SMYD3: variants seen among roughly 807,000 people sequenced by gnomAD.
SMYD3 encodes histone-lysine N-methyltransferase SMYD3.
In SMYD3, 36 loss-of-function variants were observed where a neutral mutation model predicts 57.7. The ratio of observed to expected loss-of-function variants is 0.62; its 90% CI spans 0.48 to 0.82. The LOEUF is 0.82. Ranked by LOEUF, SMYD3 falls within the 40% of genes least tolerant of loss-of-function variation. The pLI is 0.00. For missense variants in SMYD3, 515 were observed against 538.8 expected (o/e 0.96, Z 0.44); for synonymous variants, 211 against 195.0 (o/e 1.08, Z -0.68).
chr1:246,094,800 A>G (rs1212450068), intron 5 of SMYD3, among the ~76,000 whole-genome samples: 1 of 152,152 alleles, frequency 6.6e-6, no homozygotes, highest in Non-Finnish European at 1.5e-5. Context: ...CAGTATCATA[A>G]CAAACCTAAC....
At chr1:245,849,721 C>T (rs1275023010) in intron 10 of SMYD3, among the ~76,000 whole-genome samples, 2 of 152,090 alleles carry the variant, frequency 1.3e-5, no homozygotes, top group Admixed American at 1.3e-4. Flanking sequence ...GACGTGATCA[C>T]AGCTCACTGC....
intron 10 of SMYD3, among the ~76,000 whole-genome samples, chr1:245,818,076 A>G (rs960779499): frequency 2.0e-5 from 3 of 151,790 alleles, no homozygotes; most frequent in African/African-American, 7.2e-5. Flanking sequence ...GAGAAGAGCA[A>G]CTCCAAGACA....
chr1:246,158,901 G>A (rs1279289049), intron 5 of SMYD3, among the ~76,000 whole-genome samples: 1 of 152,110 alleles, frequency 6.6e-6, no homozygotes, highest in African/African-American at 2.4e-5. Context: ...AGATACACCA[G>A]GTCCTTATTC....
At chr1:246,368,087 A>G (rs1169801857) in intron 1 of SMYD3, among the ~76,000 whole-genome samples, 2 of 152,226 alleles carry the variant, frequency 1.3e-5, no homozygotes, top group African/African-American at 4.8e-5. Flanking sequence ...CCAACAGCCT[A>G]AGCTACTGAA....
chr1:245,767,085 A>T (rs368082049), intron 10 of SMYD3, among the ~76,000 whole-genome samples: 2 of 152,152 alleles, frequency 1.3e-5, no homozygotes, highest in South Asian at 2.1e-4. Flanking sequence ...CTGCTGGGAG[A>T]CATTCTTCAA....
At chr1:246,327,767 A>G (rs984569308) in intron 4 of SMYD3, among the ~76,000 whole-genome samples, 3 of 152,222 alleles carry the variant, frequency 2.0e-5, no homozygotes, top group Non-Finnish European at 4.4e-5. Flanking sequence ...TCTAAGGCAA[A>G]AAGACAGAAA....
At chr1:246,288,855 G>A (rs2064628323) in intron 5 of SMYD3, among the ~76,000 whole-genome samples, 2 of 152,188 alleles carry the variant, frequency 1.3e-5, no homozygotes, top group African/African-American at 4.8e-5. Context: ...ACTCACGCCT[G>A]TAATCCCAGC....
At chr1:246,024,272 A>G (rs546404756) in intron 5 of SMYD3, among the ~76,000 whole-genome samples, 2 of 152,382 alleles carry the variant, frequency 1.3e-5, no homozygotes, top group African/African-American at 4.8e-5. Flanking sequence ...TGCCTGAACA[A>G]CAAAAGGTTA....
intron 5 of SMYD3, among the ~76,000 whole-genome samples, chr1:246,164,729 C>G (rs1048087590): frequency 6.6e-6 from 1 of 152,244 alleles, no homozygotes; most frequent in Non-Finnish European, 1.5e-5. Context: ...GATAACGTCT[C>G]TGCTCTCATG....
intron 1 of SMYD3, among the ~76,000 whole-genome samples, chr1:246,406,800 TC>T (rs2066872942): frequency 6.6e-6 from 1 of 152,194 alleles, no homozygotes; most frequent in Admixed American, 6.5e-5. Context: ...GAATCTCTGC[TC>T]CATCACAGCC....
intron 5 of SMYD3, among the ~76,000 whole-genome samples, chr1:246,277,917 A>T (rs541198257): frequency 6.6e-6 from 1 of 152,342 alleles, no homozygotes; most frequent in East Asian, 1.9e-4. Flanking sequence ...GGGGTCACGG[A>T]AAGTTCTGTA....
At chr1:245,806,293 C>T (rs2048139988) in intron 10 of SMYD3, among the ~76,000 whole-genome samples, 1 of 152,034 alleles carries the variant, frequency 6.6e-6, no homozygotes, top group Admixed American at 6.6e-5. Flanking sequence ...ATAATAAAAA[C>T]AGTAACAGCT....
intron 5 of SMYD3, among the ~76,000 whole-genome samples, chr1:246,169,914 A>G (rs1256474733): frequency 6.6e-6 from 1 of 152,058 alleles, no homozygotes; most frequent in African/African-American, 2.4e-5. Context: ...AAAAAAAAAA[A>G]AGATACAGCA....
chr1:246,465,513 T>C (rs2067868513), intron 1 of SMYD3, among the ~76,000 whole-genome samples: 1 of 152,070 alleles, frequency 6.6e-6, no homozygotes, highest in Non-Finnish European at 1.5e-5. Flanking sequence ...TGAAGGAAGT[T>C]GAAAAGTTCA....
At chr1:245,751,550 G>C (rs1228858811) in intron 11 of SMYD3, among the ~76,000 whole-genome samples, 1 of 149,974 alleles carries the variant, frequency 6.7e-6, no homozygotes, top group Non-Finnish European at 1.5e-5. Context: ...GAAAGAGAGA[G>C]AGAGACAGAG....
At chr1:246,131,344 AGAAT>A (rs1558255583) in intron 5 of SMYD3, among the ~76,000 whole-genome samples, 1 of 152,202 alleles carries the variant, frequency 6.6e-6, no homozygotes. Flanking sequence ...GCTAAATGAA[AGAAT>A]GAATGAATCA....
chr1:245,984,408 T>C (rs1180830878), intron 5 of SMYD3, among the ~76,000 whole-genome samples: 1 of 152,072 alleles, frequency 6.6e-6, no homozygotes, highest in African/African-American at 2.4e-5. Context: ...GCAGCACAAA[T>C]CTATTTGTGC....
At chr1:245,858,348 T>C (rs2051361622) in intron 10 of SMYD3, 148 bp downstream of exon 10, 2 of 796,422 alleles carry the variant, frequency 2.5e-6, no homozygotes, top group African/African-American at 3.5e-5. Context: ...GAGGAGTGAA[T>C]AAAATAAGAC....
chr1:246,129,238 TA>T (rs1000863861), intron 5 of SMYD3, among the ~76,000 whole-genome samples: 8 of 152,146 alleles, frequency 5.3e-5, no homozygotes, highest in African/African-American at 2.4e-5. Context: ...TAAAAAAAAT[TA>T]AGCCTTTAAA....
Sources: allele counts gnomAD v4.1 joint callset (sites outside exome capture counted in the v4.1 genomes callset), GRCh38; gene constraint gnomAD v4.1.1; transcripts MANE v1.5; gene names NCBI Gene and HGNC (gene_info 2026-07-23, HGNC 2026-07-21).